Variants in TMEM108 observed in about 807,000 individuals in gnomAD.
TMEM108 encodes the protein cancer/testis antigen 124.
Under a neutral mutation model 35.1 loss-of-function variants are expected in TMEM108, and 12 were observed. That is an observed-to-expected ratio of 0.34 (90% CI 0.22 to 0.55). TMEM108 has a LOEUF of 0.55. TMEM108 is among the 20% of genes least tolerant of loss of function. The pLI is 0.89. For missense variants in TMEM108, 680 were observed against 753.3 expected, an observed-to-expected ratio of 0.90 and a Z score of 1.14; for synonymous variants, 287 against 308.6, an observed-to-expected ratio of 0.93 and a Z score of 0.73.
At chr3:133,311,736 C>G (rs1244969389) in intron 3 of TMEM108, among the ~76,000 whole-genome samples, 1 of 152,222 alleles carries the variant, frequency 6.6e-6, no homozygotes. Context: ...CATTCTCCGT[C>G]CAGCTTTGTT....
intron 2 of TMEM108, among the ~76,000 whole-genome samples, chr3:133,144,617 C>T (rs1031073209): frequency 2.6e-5 from 4 of 152,166 alleles, no homozygotes; most frequent in African/African-American, 7.2e-5. Context: ...TATTTCTCCA[C>T]ATCCTCTCCA....
At chr3:133,201,545 A>G (rs193223805) in intron 2 of TMEM108, among the ~76,000 whole-genome samples, 2 of 151,360 alleles carry the variant, frequency 1.3e-5, no homozygotes, top group East Asian at 3.9e-4. Flanking sequence ...GTGAGAACAC[A>G]TGGTGTTTGG....
intron 3 of TMEM108, among the ~76,000 whole-genome samples, chr3:133,360,587 T>A (rs758245747): frequency 6.6e-6 from 1 of 152,182 alleles, no homozygotes; most frequent in South Asian, 2.1e-4. Flanking sequence ...GTCTGAAAAC[T>A]AGTTCTGCAG....
chr3:133,300,398 T>C (rs571256331), intron 3 of TMEM108, among the ~76,000 whole-genome samples: 58 of 152,276 alleles, frequency 3.8e-4, no homozygotes, highest in Non-Finnish European at 6.0e-4. Context: ...CCTGTTTTTT[T>C]ACTTTGGCGG....
intron 2 of TMEM108, among the ~76,000 whole-genome samples, chr3:133,190,090 G>A (rs1348437463): frequency 7.9e-6 from 1 of 125,808 alleles, no homozygotes; most frequent in East Asian, 2.0e-4. Context: ...GGCTGGCACT[G>A]CAAGGAAAAA....
rs554089701 is a variant in TMEM108 at position 133,393,479 on chromosome 3, C to T, written c.1606-2385C>T. On this transcript the variant is annotated intron_variant, in intron 5 of 5. Coordinates refer to ENST00000321871, the MANE Select transcript of TMEM108 (RefSeq NM_023943.4). ...TGGTAGGTTCTTAGTAAATGTTTATCATGTGAATGAACTATAAATGTTGTT... is the reference window on the plus strand; with the variant it reads ...TGGTAGGTTCTTAGTAAATGTTTATTATGTGAATGAACTATAAATGTTGTT... Among the ~76,000 whole-genome samples, 619 of 152,318 alleles carry T rather than the reference C, an allele frequency of 4.1e-3. 5 individuals carry two copies. The highest frequency in any genetic ancestry group is 0.014 in the African/African-American group (564 of 41,552).
At chr3:133,054,357 T>C (rs905493631) in intron 2 of TMEM108, among the ~76,000 whole-genome samples, 3 of 152,200 alleles carry the variant, frequency 2.0e-5, no homozygotes, top group African/African-American at 7.2e-5. Flanking sequence ...GTATTTCCCA[T>C]ACAGATATCT....
chr3:133,267,113 G>C (rs1189994767), intron 3 of TMEM108, among the ~76,000 whole-genome samples: 1 of 150,570 alleles, frequency 6.6e-6, no homozygotes, highest in African/African-American at 2.4e-5. Flanking sequence ...CCAAGGTAAA[G>C]GGATATAGTT....
chr3:133,331,367 C>A (rs2071391339), intron 3 of TMEM108, among the ~76,000 whole-genome samples: 1 of 152,126 alleles, frequency 6.6e-6, no homozygotes, highest in East Asian at 1.9e-4. Flanking sequence ...TGGATTTGAT[C>A]TAGGGTTAAC....
intron 2 of TMEM108, among the ~76,000 whole-genome samples, chr3:133,204,524 GAATT>G (rs986636268): frequency 6.6e-6 from 1 of 152,108 alleles, no homozygotes; most frequent in African/African-American, 2.4e-5. Flanking sequence ...TGGTTTCAAA[GAATT>G]TATTTATTTC....
intron 4 of TMEM108, among the ~76,000 whole-genome samples, chr3:133,389,884 T>C (rs1360879894): frequency 6.6e-6 from 1 of 151,436 alleles, no homozygotes; most frequent in Non-Finnish European, 1.5e-5. Flanking sequence ...GCCTGGGACG[T>C]AAGTCCTATA....
intron 2 of TMEM108, among the ~76,000 whole-genome samples, chr3:133,215,052 C>T (rs1945886949): frequency 6.6e-6 from 1 of 152,072 alleles, no homozygotes; most frequent in Non-Finnish European, 1.5e-5. Context: ...AATTTGGAAC[C>T]ATTTCTCATA....
chr3:133,385,831 T>G (rs917034678), intron 4 of TMEM108, among the ~76,000 whole-genome samples: 1 of 152,226 alleles, frequency 6.6e-6, no homozygotes, highest in Non-Finnish European at 1.5e-5. Context: ...AGTGTCTGTC[T>G]GCAAAATGGG....
chr3:133,374,892 G>T (rs1197288), intron 3 of TMEM108, among the ~76,000 whole-genome samples: 1 of 152,016 alleles, frequency 6.6e-6, no homozygotes, highest in East Asian at 1.9e-4. Flanking sequence ...AGAGCCCCCT[G>T]GGGAGATGGG....
chr3:133,357,286 G>A (rs3914306), intron 3 of TMEM108, among the ~76,000 whole-genome samples: 10 of 152,126 alleles, frequency 6.6e-5, no homozygotes, highest in African/African-American at 2.2e-4. Context: ...ATCAATAGTC[G>A]TTGGCGTGGA....
chr3:133,360,884 C>G (rs879681965), intron 3 of TMEM108, among the ~76,000 whole-genome samples: 1 of 152,146 alleles, frequency 6.6e-6, no homozygotes, highest in Non-Finnish European at 1.5e-5. Context: ...CTATTTGACT[C>G]TTAGAACACA....
intron 3 of TMEM108, among the ~76,000 whole-genome samples, chr3:133,279,052 C>A (rs140387362): frequency 1.0e-3 from 157 of 152,298 alleles, no homozygotes; most frequent in African/African-American, 3.8e-3. Context: ...TAAAACCAGG[C>A]CCTTCAAGGC....
chr3:133,309,857 C>T (rs1239539053), intron 3 of TMEM108, among the ~76,000 whole-genome samples: 2 of 151,802 alleles, frequency 1.3e-5, no homozygotes, highest in African/African-American at 2.4e-5. Flanking sequence ...CCAGCCGCTA[C>T]GCCCGGCTAA....
At chr3:133,350,334 CA>C (rs1291112388) in intron 3 of TMEM108, among the ~76,000 whole-genome samples, 1 of 151,916 alleles carries the variant, frequency 6.6e-6, no homozygotes, top group Non-Finnish European at 1.5e-5. Context: ...AGGTTACAAC[CA>C]GGAGAAATAG....
Sources: gnomAD v4.1 joint callset for allele counts (sites outside exome capture counted in the v4.1 genomes callset) on GRCh38, gnomAD v4.1.1 for gene constraint, MANE v1.5 for transcripts, NCBI Gene and HGNC (gene_info 2026-07-23, HGNC 2026-07-21) for gene names.